SMURF1: variants seen among roughly 807,000 people sequenced by gnomAD.
SMURF1 encodes the protein SMAD specific E3 ubiquitin protein ligase 1.
SMURF1 carries 44 observed loss-of-function variants against 98.0 expected under a neutral mutation model. That is an observed-to-expected ratio of 0.45 (90% CI 0.35 to 0.58). The LOEUF is 0.58. SMURF1 is among the 20% of genes least tolerant of loss of function. The probability of loss-of-function intolerance (pLI) is 0.00; values close to 1 mark genes in which losing one functional copy is unlikely to be tolerated. For synonymous variants in SMURF1, 396 were observed against 374.9 expected, an observed-to-expected ratio of 1.06 and a Z score of -0.65; for missense variants, 687 against 938.4, an observed-to-expected ratio of 0.73 and a Z score of 3.50.
intron 10 of SMURF1, 60 bp downstream of exon 10, chr7:99,047,624 T>C: frequency 4.5e-6 from 7 of 1,553,184 alleles, no homozygotes; most frequent in Non-Finnish European, 6.2e-6. Context: ...GAGATTCCTT[T>C]GTCTGAATTG....
At chr7:99,040,782 C>A (rs1166861515) in intron 12 of SMURF1, among the ~76,000 whole-genome samples, 1 of 152,194 alleles carries the variant, frequency 6.6e-6, no homozygotes, top group Admixed American at 6.5e-5. Context: ...AGGGCCAACA[C>A]CTCCTCAGAA....
rs80052915 is a variant in SMURF1 at position 99,095,741 on chromosome 7, G to A, written c.56-33904C>T. Among the ~76,000 whole-genome samples the A allele has an allele frequency of 8.1e-3, 1,238 of 152,268 alleles. 12 individuals are homozygous for A. The highest frequency in any genetic ancestry group is 0.028 in the African/African-American group (1,154 of 41,526). On this transcript the variant is annotated intron_variant, in intron 1 of 17. Transcript: ENST00000361368. The stretch of plus-strand genomic sequence containing the variant: ...TTCTTAAAGATCTCAACTTAGCCAC[G>A]GGGGCCTGGGGGAGATGAGAATTGC...
intron 8 of SMURF1, chr7:99,050,883 C>A: frequency 7.4e-7 from 1 of 1,358,946 alleles, no homozygotes; most frequent in Non-Finnish European, 9.6e-7. Context: ...AAACTTAACT[C>A]TGTTATGGGG....
intron 1 of SMURF1, among the ~76,000 whole-genome samples, chr7:99,127,124 T>A (rs1797763531): frequency 1.3e-5 from 2 of 152,298 alleles, no homozygotes; most frequent in South Asian, 4.1e-4. Flanking sequence ...CACAGTTTGC[T>A]AGCCAGAAGT....
chr7:99,043,823 G>A (rs982164176), intron 11 of SMURF1, among the ~76,000 whole-genome samples: 2 of 152,084 alleles, frequency 1.3e-5, no homozygotes, highest in Admixed American at 1.3e-4. Context: ...ACAACCATGC[G>A]GTGGTCACAG....
At chr7:99,067,796 A>G (rs1796230497) in intron 1 of SMURF1, among the ~76,000 whole-genome samples, 1 of 152,122 alleles carries the variant, frequency 6.6e-6, no homozygotes. Context: ...TACTAAAAAT[A>G]CAAAAAATTT....
chr7:99,064,780 T>G (rs1271272252), intron 1 of SMURF1, among the ~76,000 whole-genome samples: 1 of 152,202 alleles, frequency 6.6e-6, no homozygotes, highest in Admixed American at 6.5e-5. Context: ...AGTGGATAGA[T>G]CACTATTAAT....
intron 2 of SMURF1, among the ~76,000 whole-genome samples, chr7:99,061,597 A>G (rs1796035850): frequency 6.6e-6 from 1 of 152,248 alleles, no homozygotes; most frequent in Non-Finnish European, 1.5e-5. Context: ...GTTTTGCGGT[A>G]TGATTTATAA....
chr7:99,140,156 C>T (rs1171982406), intron 1 of SMURF1, among the ~76,000 whole-genome samples: 1 of 152,068 alleles, frequency 6.6e-6, no homozygotes, highest in Non-Finnish European at 1.5e-5. Flanking sequence ...ATAACTTGTT[C>T]CGTAACATGT....
chr7:99,037,989 C>G (rs564429244), intron 14 of SMURF1, among the ~76,000 whole-genome samples: 1 of 152,128 alleles, frequency 6.6e-6, no homozygotes, highest in African/African-American at 2.4e-5. Flanking sequence ...GTGCCTAGGC[C>G]GCAAGTGCCT....
In SMURF1 at chr7:99,035,774, C is replaced by T. The variant is rs975953394; in HGVS notation, c.1810-58G>A. On this transcript the variant is annotated intron_variant, in intron 15 of 17. Coordinates refer to ENST00000361368, the MANE Select transcript of SMURF1 (RefSeq NM_181349.3). ...AAATGCATAAACCCACGTCAGGATG[C>T]GCCTCCTAGGTACCCGACACACAAC... 54 of 1,535,556 alleles carry T rather than the reference C, an allele frequency of 3.5e-5. No homozygotes were observed. In the East Asian group the frequency reaches 5.6e-4, roughly 16 times the overall value.
intron 5 of SMURF1, among the ~76,000 whole-genome samples, chr7:99,055,423 G>A (rs1007576718): frequency 6.6e-6 from 1 of 151,164 alleles, no homozygotes; most frequent in Non-Finnish European, 1.5e-5. Context: ...AGCTAAGATC[G>A]CGCCACTGAA....
intron 11 of SMURF1, 77 bp downstream of exon 11, chr7:99,045,621 C>T (rs1358993970): frequency 5.5e-6 from 7 of 1,262,680 alleles, no homozygotes; most frequent in Middle Eastern, 1.9e-4. Flanking sequence ...GTGATGAGCA[C>T]TGGAGAAGGG....
intron 1 of SMURF1, among the ~76,000 whole-genome samples, chr7:99,069,191 A>G (rs1796267556): frequency 6.6e-6 from 1 of 152,176 alleles, no homozygotes; most frequent in Non-Finnish European, 1.5e-5. Flanking sequence ...ATGTACATAA[A>G]TGTTTCGACT....
intron 1 of SMURF1, among the ~76,000 whole-genome samples, chr7:99,085,957 C>G (rs937394837): frequency 6.6e-6 from 1 of 152,204 alleles, no homozygotes; most frequent in African/African-American, 2.4e-5. Context: ...CCAGACATTT[C>G]TCCAAAGAAG....
chr7:99,043,802 C>T (rs1795474686), intron 11 of SMURF1, among the ~76,000 whole-genome samples: 1 of 152,126 alleles, frequency 6.6e-6, no homozygotes, highest in African/African-American at 2.4e-5. Context: ...GAAAGAGAAA[C>T]ATCACACCAC....
rs59295218 is a variant in SMURF1, at chr7:99,063,304, TAA to T, written c.56-1469_56-1468del. On this transcript the variant is annotated intron_variant, in intron 1 of 17. Coordinates refer to ENST00000361368, the MANE Select transcript of SMURF1 (RefSeq NM_181349.3). ...ATATATATATATATATATATATATA[TAA>T]AAAGAGACAGGGTCTCACTCCGTCA... is the stretch of plus-strand genomic sequence containing the variant. Among the ~76,000 whole-genome samples, 268 of 28,416 alleles carry T rather than the reference TAA, an allele frequency of 9.4e-3. 22 individuals carry two copies. Among genetic ancestry groups the T allele is most frequent in the Middle Eastern group, 0.045 (2 of 44 alleles). The allele number at this position is 28,416 out of a possible 152,430, so 18.6% of individuals were successfully genotyped here. A position where few individuals can be genotyped will look rare whatever the true frequency, so the allele number is the denominator to read the frequency against.
At chr7:99,038,628 A>G in intron 13 of SMURF1, 103 bp from the exon 14 acceptor site, 1 of 1,411,462 alleles carries the variant, frequency 7.1e-7, no homozygotes, top group South Asian at 1.3e-5. Flanking sequence ...GGGCTGCAAG[A>G]CAGGACAGCC....
intron 1 of SMURF1, among the ~76,000 whole-genome samples, chr7:99,102,580 A>G (rs1039976551): frequency 6.6e-6 from 1 of 150,892 alleles, no homozygotes; most frequent in Non-Finnish European, 1.5e-5. Context: ...CGGATGATTC[A>G]GAAGAGATGG....
Sources: allele counts gnomAD v4.1 joint callset (sites outside exome capture counted in the v4.1 genomes callset), GRCh38; gene constraint gnomAD v4.1.1; transcripts MANE v1.5; gene names NCBI Gene and HGNC (gene_info 2026-07-23, HGNC 2026-07-21).